RBM4: variants seen among roughly 807,000 people sequenced by gnomAD.
The protein encoded by RBM4 is RNA-binding protein 4.
RBM4 carries 7 observed loss-of-function variants against 29.5 expected under a neutral mutation model. The observed-to-expected ratio is 0.24, with a 90% CI of 0.14 to 0.45. The LOEUF is 0.45. Ranked by LOEUF, RBM4 falls within the 20% of genes least tolerant of loss-of-function variation. RBM4 has a pLI of 1.00. For missense variants in RBM4, 387 were observed against 502.3 expected, an observed-to-expected ratio of 0.77 and a Z score of 2.19; for synonymous variants, 220 against 205.4, an observed-to-expected ratio of 1.07 and a Z score of -0.61.
chr11:66,644,585 C>A, intron 3 of RBM4: 1 of 643,644 alleles, frequency 1.6e-6, no homozygotes, highest in Non-Finnish European at 1.9e-6. Flanking sequence ...CTGATATGAC[C>A]CCTGATGATA....
chr11:66,662,616 TG>T (rs936728007), intron 2 of RBM4, among the ~76,000 whole-genome samples: 12 of 152,202 alleles, frequency 7.9e-5, no homozygotes, highest in Non-Finnish European at 1.8e-4. Flanking sequence ...TTGCCCAGGC[TG>T]GTCTCAAACT....
chr11:66,656,030 G>A (rs776243583), intron 2 of RBM4, among the ~76,000 whole-genome samples: 7 of 152,046 alleles, frequency 4.6e-5, no homozygotes, highest in Non-Finnish European at 1.0e-4. Flanking sequence ...GAGTGCAATG[G>A]TGCAATCTCA....
At chr11:66,650,836 C>T (rs969616864), downstream of RBM4, among the ~76,000 whole-genome samples, 21 of 152,156 alleles carry the variant, frequency 1.4e-4, no homozygotes, top group Admixed American at 7.2e-4. Context: ...GCACTCCAGC[C>T]GGGGCAACAG....
downstream of RBM4, among the ~76,000 whole-genome samples, chr11:66,650,349 C>G (rs1447006890): frequency 1.3e-5 from 2 of 152,132 alleles, no homozygotes; most frequent in Admixed American, 6.5e-5. Context: ...GCAGGCAGAT[C>G]ACCTGAGGTC....
intron 2 of RBM4, among the ~76,000 whole-genome samples, chr11:66,658,894 GC>G (rs1459186407): frequency 6.6e-6 from 1 of 150,578 alleles, no homozygotes; most frequent in African/African-American, 2.4e-5. Context: ...CCAAGATTGG[GC>G]CACGGCACTC....
intron 2 of RBM4, among the ~76,000 whole-genome samples, chr11:66,652,594 A>G (rs1938855472): frequency 6.6e-6 from 1 of 152,184 alleles, no homozygotes; most frequent in Non-Finnish European, 1.5e-5. Flanking sequence ...CTATTTTGTC[A>G]AGCCAGATTA....
Position 66,646,239 on chromosome 11 carries a change from T to C in RBM4, c.*221T>C, listed in dbSNP as rs1192661478. 2 of 1,427,262 alleles carry C rather than the reference T, an allele frequency of 1.4e-6. No homozygotes were observed. Among genetic ancestry groups the C allele is most frequent in the East Asian group, 2.5e-5 (1 of 39,270 alleles). 88.4% of individuals were successfully genotyped at this position (1,427,262 alleles called of 1,614,324 possible). ...CTGTTCTTCTGTCCTTCAATACTTC[T>C]GTAGCTTCCCATTCATGTTCTCTTC... On this transcript the variant is annotated 3_prime_UTR_variant, in exon 4 of 4. Coordinates refer to ENST00000310092, the MANE Select transcript of RBM4 (RefSeq NM_002896.4).
chr11:66,647,113 C>T (rs1460655182), downstream of RBM4, among the ~76,000 whole-genome samples: 1 of 152,202 alleles, frequency 6.6e-6, no homozygotes, highest in African/African-American at 2.4e-5. Context: ...AGAACTGCCG[C>T]CTCAGCCTCA....
chr11:66,642,643 A>G (rs1938517906), intron 2 of RBM4, among the ~76,000 whole-genome samples: 1 of 152,222 alleles, frequency 6.6e-6, no homozygotes, highest in African/African-American at 2.4e-5. Context: ...ATAACTAGTT[A>G]TTCTCCACTT....
In RBM4 at chr11:66,639,474, C is replaced by T. The variant is rs1938343733; in HGVS notation, c.-12-226C>T. On this transcript the variant is annotated intron_variant, in intron 1 of 3. Transcript: ENST00000310092. ...CGGTTCTTACCAAACCCTTTGTCTA[C>T]TAAGGACCTCCCTATTGCAGACGTC... 8.3e-6 allele frequency: 5 copies of T among 602,430 alleles called. No individual in the cohort carries two copies. In the East Asian group the frequency reaches 1.4e-4, roughly 17 times the overall value. 37.3% of individuals were successfully genotyped at this position (602,430 alleles called of 1,614,324 possible).
At chr11:66,666,060 G>A (rs1762773177) in exon 3 of RBM4, 14 of 1,096,198 alleles carry the variant, frequency 1.3e-5, no homozygotes, top group Non-Finnish European at 1.8e-5. Flanking sequence ...ACAAGGGGTA[G>A]GATATCAAGG....
At chr11:66,640,578 A>T (rs1004551749) in intron 2 of RBM4, 4 of 248,554 alleles carry the variant, frequency 1.6e-5, no homozygotes, top group African/African-American at 9.0e-5. Context: ...AAGCTGTCCT[A>T]CCTTACACAA....
In RBM4 at chr11:66,639,983, A is replaced by G. The variant is rs1264458396; in HGVS notation, c.272A>G (p.Asn91Ser). ...HVGNISPTCT[N>S]KELRAKFEEY... is the part of the protein sequence containing the mutation. The stretch of plus-strand genomic sequence containing the variant: ...GGCAACATCAGTCCCACCTGCACCA[A>G]TAAGGAGCTTCGAGCCAAGTTTGAG... Residue 91 changes from asparagine to serine, a missense_variant, in exon 2 of 4, where the codon AAT becomes AGT. Around this residue, in one of 2 missense-constraint regions of RBM4, gnomAD observed 106 missense variants for 213.6 expected, o/e 0.50. Coordinates refer to ENST00000310092, the MANE Select transcript of RBM4 (RefSeq NM_002896.4). 1.9e-6 allele frequency: 3 copies of G among 1,614,216 alleles called. No individual in the cohort carries two copies. The highest frequency in any genetic ancestry group is 2.2e-5 in the South Asian group (2 of 91,078).
exon 3 of RBM4, chr11:66,668,100 A>G (rs1384680847): frequency 1.3e-5 from 2 of 157,750 alleles, no homozygotes; most frequent in South Asian, 3.7e-4. Flanking sequence ...TGTACCCTTC[A>G]GCTTACCACT....
At chr11:66,667,753 G>GA (rs1185837812) in exon 3 of RBM4, 1 of 151,660 alleles carries the variant, frequency 6.6e-6, no homozygotes, top group Non-Finnish European at 1.5e-5. Context: ...GCCCAGGCTG[G>GA]AATACAGTGG....
At chr11:66,641,512 T>G (rs1227391140) in intron 2 of RBM4, among the ~76,000 whole-genome samples, 3 of 152,170 alleles carry the variant, frequency 2.0e-5, no homozygotes, top group Non-Finnish European at 4.4e-5. Flanking sequence ...GTTGCTCTTG[T>G]GGAGGGTTTA....
At chr11:66,666,362 A>G in exon 3 of RBM4, 1 of 1,006,114 alleles carries the variant, frequency 9.9e-7, no homozygotes, top group African/African-American at 1.7e-5. Flanking sequence ...TTCTTGGATC[A>G]GTTCTGCTAG....
intron 2 of RBM4, 179 bp downstream of exon 2, chr11:66,640,302 T>A (rs1938385960): frequency 1.2e-6 from 1 of 800,342 alleles, no homozygotes; most frequent in African/African-American, 1.7e-5. Flanking sequence ...GGCTTTACCT[T>A]AGGCAAATGT....
intron 2 of RBM4, chr11:66,641,163 TAAAA>T (rs1649305339): frequency 6.6e-6 from 1 of 152,076 alleles, no homozygotes; most frequent in African/African-American, 2.4e-5. Flanking sequence ...ACAAAAATAA[TAAAA>T]AATAAAAAAA....
Sources: allele counts gnomAD v4.1 joint callset (sites outside exome capture counted in the v4.1 genomes callset), GRCh38; gene constraint gnomAD v4.1.1; regional missense constraint gnomAD v4.1.1; transcripts MANE v1.5; gene names NCBI Gene and HGNC (gene_info 2026-07-23, HGNC 2026-07-21).